Variants in ADCY9 observed in about 807,000 individuals in gnomAD.
ADCY9 encodes adenylate cyclase type 9.
Under a neutral mutation model 101.5 loss-of-function variants are expected in ADCY9, and 50 were observed. The ratio of observed to expected loss-of-function variants is 0.49; its 90% CI spans 0.39 to 0.62. The LOEUF is 0.62. Among genes scored for constraint, ADCY9 ranks in the 20% least tolerant of loss-of-function variants. ADCY9 has a pLI of 0.00. For missense variants in ADCY9, 1,662 were observed against 1,800.4 expected (o/e 0.92, Z 1.39); for synonymous variants, 905 against 769.3 (o/e 1.18, Z -2.92).
chr16:4,110,376 C>CCT, intron 2 of ADCY9, among the ~76,000 whole-genome samples: 1 of 110,774 alleles, frequency 9.0e-6, no homozygotes, highest in East Asian at 2.6e-4. Flanking sequence ...CTTATACCTA[C>CCT]TTTTTTTTTT....
At chr16:4,087,455 G>A (rs561485858) in intron 2 of ADCY9, among the ~76,000 whole-genome samples, 1 of 150,042 alleles carries the variant, frequency 6.7e-6, no homozygotes, top group East Asian at 2.0e-4. Context: ...AGAATTGTTT[G>A]AACCCAAGAG....
chr16:4,025,214 T>C (rs1389979081), intron 2 of ADCY9, among the ~76,000 whole-genome samples: 1 of 151,630 alleles, frequency 6.6e-6, no homozygotes, highest in African/African-American at 2.4e-5. Context: ...AAAATATATA[T>C]ATACAAAAAT....
At chr16:3,953,906 C>T (rs1416211279) in intron 5 of ADCY9, among the ~76,000 whole-genome samples, 5 of 152,198 alleles carry the variant, frequency 3.3e-5, no homozygotes, top group East Asian at 1.9e-4. Context: ...ACAGCTCTTA[C>T]GCCTCCCAGA....
chr16:4,038,610 G>A (rs953713736), intron 2 of ADCY9, among the ~76,000 whole-genome samples: 3 of 152,130 alleles, frequency 2.0e-5, no homozygotes, highest in African/African-American at 7.2e-5. Context: ...CCGTGTCGCT[G>A]TACACTCTTT....
At chr16:4,100,769 A>G (rs1380596556) in intron 2 of ADCY9, among the ~76,000 whole-genome samples, 1 of 151,900 alleles carries the variant, frequency 6.6e-6, no homozygotes, top group Non-Finnish European at 1.5e-5. Context: ...GAAAAGAAAA[A>G]AACAAACTCA....
intron 2 of ADCY9, among the ~76,000 whole-genome samples, chr16:4,019,164 T>A (rs901231160): frequency 2.0e-5 from 3 of 152,072 alleles, no homozygotes; most frequent in Non-Finnish European, 4.4e-5. Flanking sequence ...AATTTTTTTT[T>A]AAAGATGGAA....
At chr16:4,000,494 A>G (rs2056322214) in intron 3 of ADCY9, among the ~76,000 whole-genome samples, 1 of 152,254 alleles carries the variant, frequency 6.6e-6, no homozygotes, top group Admixed American at 6.5e-5. Flanking sequence ...TATTTCTGCT[A>G]ATGCAACATT....
At position 4,115,914 on chromosome 16, in the gene ADCY9, G is replaced by C; in HGVS notation, c.-268C>G. ...CAAACAACTCCGCTGGCGGCGCGGAGCCCTCCATCCTGCAGGAGCCGCGCT... is the reference window on the plus strand; with the variant it reads ...CAAACAACTCCGCTGGCGGCGCGGACCCCTCCATCCTGCAGGAGCCGCGCT... On this transcript the variant is annotated 5_prime_UTR_variant, in exon 1 of 11. Coordinates refer to ENST00000294016, the MANE Select transcript of ADCY9 (RefSeq NM_001116.4). This position sits in a 1 kb window ranked among gnomAD's most constrained non-coding sequence, Gnocchi z 6.2. 2.6e-6 allele frequency: 1 copy of C among 391,444 alleles called. No homozygotes were observed. The highest frequency in any genetic ancestry group is 4.5e-6 in the Non-Finnish European group (1 of 221,590). 24.2% of individuals were successfully genotyped at this position (391,444 alleles called of 1,614,324 possible).
At chr16:4,016,743 G>C (rs1460667586) in intron 2 of ADCY9, among the ~76,000 whole-genome samples, 2 of 152,208 alleles carry the variant, frequency 1.3e-5, no homozygotes, top group Non-Finnish European at 2.9e-5. Context: ...CCACGAACTA[G>C]GTGATCCCCT....
intron 2 of ADCY9, among the ~76,000 whole-genome samples, chr16:4,041,529 G>A (rs1413098795): frequency 0.03 from 3,510 of 116,898 alleles, 191 homozygotes; most frequent in African/African-American, 0.11. Context: ...AAAAAAAAAA[G>A]AGGCTCTTTC....
At chr16:4,005,742 C>G (rs1597159635) in intron 3 of ADCY9, among the ~76,000 whole-genome samples, 1 of 152,200 alleles carries the variant, frequency 6.6e-6, no homozygotes, top group African/African-American at 2.4e-5. Context: ...GCGACCGCAT[C>G]CCCTAACGGA....
In ADCY9 at chr16:3,965,557, C is replaced by T; in HGVS notation, c.*218G>A. 3.4e-6 allele frequency: 2 copies of T among 596,682 alleles called. No individual in the cohort carries two copies. Among genetic ancestry groups the T allele is most frequent in the Non-Finnish European group, 5.9e-6 (2 of 338,924 alleles). 37.0% of individuals were successfully genotyped at this position (596,682 alleles called of 1,614,324 possible). On this transcript the variant is annotated 3_prime_UTR_variant, in exon 11 of 11. Coordinates refer to ENST00000294016, the MANE Select transcript of ADCY9 (RefSeq NM_001116.4). ...CTCCACCACGTGCTGAACGGATGAC[C>T]CAGAGGCAGCGGGGTTTCCAGGGAA...
At chr16:3,975,756 A>G (rs936851196) in intron 9 of ADCY9, among the ~76,000 whole-genome samples, 1 of 152,340 alleles carries the variant, frequency 6.6e-6, no homozygotes, top group Admixed American at 6.5e-5. Flanking sequence ...AATACACACT[A>G]ATAGTGAAAC....
At chr16:3,988,128 G>A (rs1357783576) in intron 6 of ADCY9, among the ~76,000 whole-genome samples, 2 of 152,148 alleles carry the variant, frequency 1.3e-5, no homozygotes, top group Non-Finnish European at 2.9e-5. Context: ...ACCACACACG[G>A]AAAGATTCCA....
intron 2 of ADCY9, among the ~76,000 whole-genome samples, chr16:4,072,494 A>G (rs996277004): frequency 6.6e-6 from 1 of 152,198 alleles, no homozygotes; most frequent in Non-Finnish European, 1.5e-5. Flanking sequence ...CCCTGGGACC[A>G]GGGGATAATG....
intron 3 of ADCY9, among the ~76,000 whole-genome samples, chr16:3,994,423 A>T (rs1432449800): frequency 6.6e-6 from 1 of 152,262 alleles, no homozygotes; most frequent in East Asian, 1.9e-4. Context: ...AAATATACTA[A>T]AAACCACTGA....
At chr16:4,032,035 C>T (rs1374422229) in intron 2 of ADCY9, 1 of 151,152 alleles carries the variant, frequency 6.6e-6, no homozygotes, top group African/African-American at 2.4e-5. Context: ...TGGCTCACAC[C>T]TCCCCAGCAC....
At chr16:4,082,901 T>C (rs1479773694) in intron 2 of ADCY9, among the ~76,000 whole-genome samples, 3 of 152,226 alleles carry the variant, frequency 2.0e-5, no homozygotes, top group African/African-American at 7.2e-5. Context: ...AGCTGAGAGA[T>C]GTCTGCTTAG....
At chr16:4,011,440 C>A (rs2141725307) in intron 2 of ADCY9, among the ~76,000 whole-genome samples, 2 of 152,278 alleles carry the variant, frequency 1.3e-5, no homozygotes, top group Middle Eastern at 3.4e-3. Flanking sequence ...AGCCAGGGAG[C>A]CGGTGGAAAT....
Sources: gnomAD v4.1 joint callset for allele counts (sites outside exome capture counted in the v4.1 genomes callset) on GRCh38, gnomAD v4.1.1 for gene constraint, Gnocchi (gnomAD v3.1) non-coding constraint, MANE v1.5 for transcripts, NCBI Gene and HGNC (gene_info 2026-07-23, HGNC 2026-07-21) for gene names.